Variants in TDRD12 observed in about 807,000 individuals in gnomAD.
The protein encoded by TDRD12 is putative ATP-dependent RNA helicase TDRD12.
TDRD12 carries 158 observed loss-of-function variants against 133.5 expected under a neutral mutation model. The ratio of observed to expected loss-of-function variants is 1.18; its 90% CI spans 1.04 to 1.35. The LOEUF is 1.35. TDRD12 is among the 40% of genes most tolerant of loss of function. TDRD12 has a pLI of 0.00. For missense variants in TDRD12, 1,443 were observed against 1,321.3 expected (o/e 1.09, Z -1.43); for synonymous variants, 460 against 477.9 (o/e 0.96, Z 0.49).
At chr19:32,731,342 C>A (rs1335423211) in intron 1 of TDRD12, among the ~76,000 whole-genome samples, 4 of 152,002 alleles carry the variant, frequency 2.6e-5, no homozygotes, top group African/African-American at 9.7e-5. Context: ...ATTGCTCGAG[C>A]CCCGGAGTTT....
At chr19:32,790,667 C>T in intron 12 of TDRD12, 76 bp downstream of exon 12, 1 of 1,551,576 alleles carries the variant, frequency 6.4e-7, no homozygotes, top group Non-Finnish European at 8.7e-7. Flanking sequence ...CTCCTTCCTC[C>T]CTCCAGACTT....
chr19:32,769,772 G>A (rs1162136978), intron 8 of TDRD12, among the ~76,000 whole-genome samples: 1 of 152,060 alleles, frequency 6.6e-6, no homozygotes, highest in Non-Finnish European at 1.5e-5. Flanking sequence ...GAGCAGCTGG[G>A]ATTACAGGCA....
intron 8 of TDRD12, among the ~76,000 whole-genome samples, chr19:32,766,466 G>A (rs1246693981): frequency 6.6e-6 from 1 of 152,142 alleles, no homozygotes; most frequent in Non-Finnish European, 1.5e-5. Context: ...ATAATGTAAT[G>A]TATTGATATT....
intron 1 of TDRD12, among the ~76,000 whole-genome samples, chr19:32,721,134 C>G (rs967215796): frequency 1.3e-5 from 2 of 152,072 alleles, no homozygotes; most frequent in Non-Finnish European, 2.9e-5. Context: ...CGCGTGGGCT[C>G]TGCGTGGGCG....
chr19:32,775,669 T>C (rs548738122), intron 10 of TDRD12, among the ~76,000 whole-genome samples: 6 of 152,106 alleles, frequency 3.9e-5, no homozygotes, highest in South Asian at 4.2e-4. Context: ...TTGTTTTTTT[T>C]TTTCAAAAGT....
chr19:32,754,349 G>T (rs756777303), intron 6 of TDRD12, among the ~76,000 whole-genome samples: 1 of 152,000 alleles, frequency 6.6e-6, no homozygotes, highest in Non-Finnish European at 1.5e-5. Flanking sequence ...TGCACCTGTA[G>T]TCCTAGCTAC....
rs143009339 is a variant in TDRD12 at position 32,821,036 on chromosome 19, G to A, written c.3387G>A (p.Thr1129=). Residue 1129 remains threonine (T), a synonymous_variant, in exon 28 of 28, where the codon ACG becomes ACA. Transcript: ENST00000444215. Reference sequence around the variant, plus strand: ...AACCCCTGCCTCTCCCGTCTAGGACGCCTCCAGCAGAAGATGCTGCTTGCC... The same window carrying A: ...AACCCCTGCCTCTCCCGTCTAGGACACCTCCAGCAGAAGATGCTGCTTGCC... 3.7e-4 allele frequency: 574 copies of A among 1,535,646 alleles called. 1 individual carries two copies. In the African/African-American group the frequency reaches 6.5e-3, roughly 17 times the overall value.
At chr19:32,747,170 C>T (rs1448136920) in intron 4 of TDRD12, among the ~76,000 whole-genome samples, 2 of 152,088 alleles carry the variant, frequency 1.3e-5, no homozygotes, top group African/African-American at 4.8e-5. Context: ...GAGGGAGAGA[C>T]TGGCTGATTT....
downstream of TDRD12, chr19:32,825,971 T>C (rs1967574737): frequency 1.5e-6 from 1 of 646,072 alleles, no homozygotes; most frequent in Non-Finnish European, 2.6e-6. This position sits in a 1 kb window ranked among gnomAD's most constrained non-coding sequence, Gnocchi z 4.1. Context: ...GGTTACTCAA[T>C]TTACACTTTT....
At chr19:32,749,892 T>C in intron 6 of TDRD12, 23 bp downstream of exon 6, 6 of 1,447,828 alleles carry the variant, frequency 4.1e-6, no homozygotes, top group Non-Finnish European at 5.6e-6. Flanking sequence ...ATTGTATTTT[T>C]ATAATATTTC....
intron 11 of TDRD12, among the ~76,000 whole-genome samples, chr19:32,787,595 C>G (rs539150757): frequency 6.6e-6 from 1 of 152,188 alleles, no homozygotes; most frequent in Non-Finnish European, 1.5e-5. Flanking sequence ...TGAGCTTCCC[C>G]GCTGCTTTGT....
chr19:32,822,456 A>G (rs556505729), downstream of TDRD12, among the ~76,000 whole-genome samples: 44 of 152,186 alleles, frequency 2.9e-4, no homozygotes, highest in Non-Finnish European at 6.0e-4. Context: ...AACAAATAAT[A>G]GATAAACGGG....
chr19:32,721,858 C>T (rs1315227534), intron 1 of TDRD12, among the ~76,000 whole-genome samples: 1 of 151,654 alleles, frequency 6.6e-6, no homozygotes, highest in Non-Finnish European at 1.5e-5. Context: ...CAGGCGGCCA[C>T]CACCACGCCT....
At chr19:32,731,651 TG>T in intron 1 of TDRD12, 73 bp from the exon 2 acceptor site, 1 of 1,313,910 alleles carries the variant, frequency 7.6e-7, no homozygotes, top group Non-Finnish European at 1.0e-6. Context: ...ACAGTAATCG[TG>T]GCTCTAAAGT....
At chr19:32,772,155 C>G (rs1437066641) in intron 8 of TDRD12, among the ~76,000 whole-genome samples, 1 of 152,166 alleles carries the variant, frequency 6.6e-6, no homozygotes, top group Non-Finnish European at 1.5e-5. Context: ...GACTCAGGCA[C>G]GTTCTGGCAG....
At chr19:32,816,317 A>G (rs1388072981) in intron 26 of TDRD12, among the ~76,000 whole-genome samples, 1 of 152,100 alleles carries the variant, frequency 6.6e-6, no homozygotes. Flanking sequence ...CCCTCCCTCT[A>G]GGTACTCCCC....
intron 11 of TDRD12, among the ~76,000 whole-genome samples, chr19:32,781,576 T>G (rs1176325200): frequency 6.6e-6 from 1 of 152,224 alleles, no homozygotes; most frequent in East Asian, 1.9e-4. Context: ...ATCTTCACAC[T>G]TGATCAATAG....
chr19:32,763,713 C>T (rs2145571762), intron 8 of TDRD12, among the ~76,000 whole-genome samples: 2 of 152,360 alleles, frequency 1.3e-5, no homozygotes, highest in South Asian at 4.1e-4. Context: ...GCACCCAGCC[C>T]CTGACCCCGG....
intron 4 of TDRD12, among the ~76,000 whole-genome samples, chr19:32,744,188 A>G (rs571983059): frequency 6.6e-6 from 1 of 152,112 alleles, no homozygotes; most frequent in African/African-American, 2.4e-5. Context: ...CCATTTGCAC[A>G]GTACAGTCCC....
Sources: gnomAD v4.1 joint callset for allele counts (sites outside exome capture counted in the v4.1 genomes callset) on GRCh38, gnomAD v4.1.1 for gene constraint, Gnocchi (gnomAD v3.1) non-coding constraint, MANE v1.5 for transcripts, NCBI Gene and HGNC (gene_info 2026-07-23, HGNC 2026-07-21) for gene names.